Variants in FKBP4 observed in about 807,000 individuals in gnomAD.
FKBP4 encodes the protein peptidyl-prolyl cis-trans isomerase FKBP4.
FKBP4 carries 28 observed loss-of-function variants against 54.1 expected under a neutral mutation model. The ratio of observed to expected loss-of-function variants is 0.52; its 90% CI spans 0.38 to 0.71. The LOEUF is 0.71. Ranked by LOEUF, FKBP4 falls within the 30% of genes least tolerant of loss-of-function variation. The probability of loss-of-function intolerance (pLI) is 0.00; values close to 1 mark genes in which losing one functional copy is unlikely to be tolerated. For missense variants in FKBP4, 493 were observed against 574.4 expected, an observed-to-expected ratio of 0.86 and a Z score of 1.45; for synonymous variants, 223 against 216.1, an observed-to-expected ratio of 1.03 and a Z score of -0.28.
chr12:2,800,267 G>C (rs2097904023), intron 7 of FKBP4, 125 bp from the exon 8 acceptor site: 1 of 1,358,618 alleles, frequency 7.4e-7, no homozygotes, highest in African/African-American at 1.4e-5. Context: ...GAGCTTGCTG[G>C]CCTTGCCAGT....
At chr12:2,800,268 C>A in intron 7 of FKBP4, 124 bp from the exon 8 acceptor site, 1 of 1,365,222 alleles carries the variant, frequency 7.3e-7, no homozygotes, top group East Asian at 2.4e-5. Context: ...AGCTTGCTGG[C>A]CTTGCCAGTG....
chr12:2,801,241 A>C lies in FKBP4; in HGVS notation c.1157A>C (p.Asn386Thr). The part of the protein sequence containing the change: ...FQKVLQLYPN[N>T]KAAKTQLAVC... Reference sequence around the variant, plus strand: ...AAGGTCCTGCAGCTCTACCCCAACAACAAAGCCGCCAAGACCCAGCTGGCT... The same window carrying C: ...AAGGTCCTGCAGCTCTACCCCAACACCAAAGCCGCCAAGACCCAGCTGGCT... Residue 386 changes from asparagine to threonine, a missense_variant, in exon 9 of 10, where the codon AAC (asparagine) becomes ACC (threonine). Asn to Thr is a moderately conservative substitution (Grantham distance 65). Transcript: ENST00000001008. The C allele has an allele frequency of 6.2e-7, 1 of 1,613,494 alleles. No individual in the cohort carries two copies. Among genetic ancestry groups the C allele is most frequent in the Non-Finnish European group, 8.5e-7 (1 of 1,180,038 alleles).
In FKBP4 at chr12:2,795,877, C is replaced by A; in HGVS notation, c.105+633C>A. ...GTCCCCACTCGCCGCGCGGCGCCCC[C>A]TCCCTCGGCCCCGGGGAGGCCGGGC... On this transcript the variant is annotated intron_variant, in intron 1 of 9. Transcript: ENST00000001008. This position sits in a 1 kb window ranked among gnomAD's most constrained non-coding sequence, Gnocchi z 4.3. 1.1e-6 allele frequency: 1 copy of A among 895,900 alleles called. No homozygotes were observed. The highest frequency in any genetic ancestry group is 4.9e-5 in the South Asian group (1 of 20,408). The allele number at this position is 895,900 out of a possible 1,614,324, so 55.5% of individuals were successfully genotyped here.
Position 2,795,366 on chromosome 12 carries a change from C to A in FKBP4, c.105+122C>A. On this transcript the variant is annotated intron_variant, in intron 1 of 9. Transcript: ENST00000001008. The surrounding 1 kb of genome is among the most constrained non-coding windows in gnomAD (Gnocchi z 4.3). ...GCGGCCGCCTTTGCAGCCTCGCGGC[C>A]GTCCCGCCGGGGGCCGGTGGCATCG... is the stretch of plus-strand genomic sequence containing the variant. 3.5e-6 allele frequency: 1 copy of A among 284,046 alleles called. No individual in the cohort carries two copies. The highest frequency in any genetic ancestry group is 5.5e-6 in the Non-Finnish European group (1 of 182,014). The allele number at this position is 284,046 out of a possible 1,614,324, so 17.6% of individuals were successfully genotyped here.
chr12:2,800,618 CAG>C (rs1245163664), intron 8 of FKBP4, 41 bp downstream of exon 8: 2 of 1,541,760 alleles, frequency 1.3e-6, no homozygotes, highest in Non-Finnish European at 1.7e-6. Flanking sequence ...CATTCACAGG[CAG>C]AGTTGGGTGA....
chr12:2,797,386 C>A, intron 2 of FKBP4, 104 bp downstream of exon 2: 8 of 1,304,326 alleles, frequency 6.1e-6, no homozygotes, highest in African/African-American at 1.5e-5. Flanking sequence ...AATGGTTTAT[C>A]ACAGTCTGTT....
At chr12:2,801,095 G>A (rs1205580158) in intron 8 of FKBP4, 22 bp from the exon 9 acceptor site, 1 of 1,612,712 alleles carries the variant, frequency 6.2e-7, no homozygotes, top group Non-Finnish European at 8.5e-7. Context: ...CCACAATGTG[G>A]CTTCCTCTCT....
chr12:2,802,068 C>A (rs895074760), intron 9 of FKBP4, among the ~76,000 whole-genome samples: 7 of 152,224 alleles, frequency 4.6e-5, no homozygotes, highest in Non-Finnish European at 8.8e-5. Flanking sequence ...CTTAGGCTTA[C>A]ATTGTATTCC....
At position 2,795,460 on chromosome 12, in the gene FKBP4, A is replaced by T. The variant is rs1465579001; in HGVS notation, c.105+216A>T. Among the ~76,000 whole-genome samples the T allele has an allele frequency of 1.4e-5, 2 of 147,130 alleles. No individual in the cohort carries two copies. The highest frequency in any genetic ancestry group is 3.0e-5 in the Non-Finnish European group (2 of 66,028). On this transcript the variant is annotated intron_variant, in intron 1 of 9. Coordinates refer to ENST00000001008, the MANE Select transcript of FKBP4 (RefSeq NM_002014.4). The surrounding 1 kb of genome is among the most constrained non-coding windows in gnomAD (Gnocchi z 4.3). ...CATGCGCTCGGCAGGGGGGCGGCCT[A>T]GGTGCGCGGGCCGAGGCCCCAGGCT...
chr12:2,800,224 G>C (rs1210858203), intron 7 of FKBP4, 102 bp downstream of exon 7: 8 of 1,429,896 alleles, frequency 5.6e-6, no homozygotes, highest in Non-Finnish European at 7.8e-6. Flanking sequence ...GAAGTGGACA[G>C]GTTGGCACCT....
rs1392703041 is a variant in FKBP4, at chr12:2,795,934, C to G, written c.105+690C>G. The G allele has an allele frequency of 6.8e-6, 7 of 1,024,650 alleles. No homozygotes were observed. The African/African-American group carries it at 1.2e-4, about 18-fold the overall frequency. 63.5% of individuals were successfully genotyped at this position (1,024,650 alleles called of 1,614,324 possible). A position where few individuals can be genotyped will look rare whatever the true frequency, so the allele number is the denominator to read the frequency against. ...CATGCCGGGAGCTGTAGTCCCCTCCCCCCTCCGCCGCCTCCCGGAGCCAGG... is the reference window on the plus strand; with the variant it reads ...CATGCCGGGAGCTGTAGTCCCCTCCGCCCTCCGCCGCCTCCCGGAGCCAGG... On this transcript the variant is annotated intron_variant, in intron 1 of 9. Transcript: ENST00000001008. This position sits in a 1 kb window ranked among gnomAD's most constrained non-coding sequence, Gnocchi z 4.3.
In FKBP4 at chr12:2,801,352, A is replaced by G; in HGVS notation, c.1268A>G (p.Asn423Ser). ...NMFERLAEEE[N>S]KAKAEASSGD... ...TTTGAGAGGCTGGCTGAGGAGGAGA[A>G]CAAGGTGAGGATTGGGGTGGGGAAC... The change falls in exon 9 of 10, where the codon AAC becomes AGC. Residue 423 changes from asparagine (N) to serine (S), a missense_variant. Physicochemically the swap from Asn to Ser is conservative, Grantham distance 46 (BLOSUM62 1). Coordinates refer to ENST00000001008, the MANE Select transcript of FKBP4 (RefSeq NM_002014.4). 3.1e-6 allele frequency: 5 copies of G among 1,614,114 alleles called. No individual in the cohort carries two copies. The highest frequency in any genetic ancestry group is 4.2e-6 in the Non-Finnish European group (5 of 1,179,998).
chr12:2,802,385 C>T (rs2097905332), intron 9 of FKBP4, among the ~76,000 whole-genome samples: 2 of 152,200 alleles, frequency 1.3e-5, no homozygotes, highest in African/African-American at 2.4e-5. Context: ...CTGCCCACCC[C>T]TGCCTCCCAA....
At chr12:2,796,862 A>G in intron 1 of FKBP4, 1 of 1,236,862 alleles carries the variant, frequency 8.1e-7, no homozygotes, top group Non-Finnish European at 1.0e-6. Context: ...AGTGTGGAGA[A>G]TTTTAAAAAC....
intron 8 of FKBP4, 88 bp from the exon 9 acceptor site, chr12:2,801,029 C>A: frequency 6.4e-7 from 1 of 1,555,620 alleles, no homozygotes; most frequent in Non-Finnish European, 8.7e-7. Flanking sequence ...CCTCATCCTC[C>A]TGAGGGGTAC....
rs1439356615 is a variant in FKBP4, at chr12:2,795,467, C to G, written c.105+223C>G. The stretch of plus-strand genomic sequence containing the variant: ...TCGGCAGGGGGGCGGCCTAGGTGCG[C>G]GGGCCGAGGCCCCAGGCTCCCCAGC... On this transcript the variant is annotated intron_variant, in intron 1 of 9. Transcript: ENST00000001008. The surrounding 1 kb of genome is among the most constrained non-coding windows in gnomAD (Gnocchi z 4.3). 6.8e-6 allele frequency among the ~76,000 whole-genome samples: 1 copy of G among 147,250 alleles called. No individual in the cohort carries two copies. The highest frequency in any genetic ancestry group is 1.5e-5 in the Non-Finnish European group (1 of 66,084).
At chr12:2,801,656 A>C in intron 9 of FKBP4, 2 of 508,416 alleles carry the variant, frequency 3.9e-6, no homozygotes, top group Non-Finnish European at 7.6e-6. Context: ...TGCAGAGCCA[A>C]AGTGGGAGGA....
Position 2,798,852 on chromosome 12 carries a change from A to G in FKBP4, c.514+26A>G, listed in dbSNP as rs548673857. The G allele has an allele frequency of 6.2e-7, 1 of 1,610,094 alleles. No individual in the cohort carries two copies. Among genetic ancestry groups the G allele is most frequent in the Non-Finnish European group, 8.5e-7 (1 of 1,176,572 alleles). On this transcript the variant is annotated intron_variant, in intron 4 of 9. Transcript: ENST00000001008. This position sits in a 1 kb window ranked among gnomAD's most constrained non-coding sequence, Gnocchi z 4.3. ...GTGAGACAGTACAGTCTGGGCTTTC[A>G]ATTCTCATTCTGATATTTAGGCCTT... is the stretch of plus-strand genomic sequence containing the variant.
chr12:2,800,284 G>T, intron 7 of FKBP4, 108 bp from the exon 8 acceptor site: 1 of 1,395,488 alleles, frequency 7.2e-7, no homozygotes, highest in Non-Finnish European at 9.8e-7. Flanking sequence ...CAGTGGGAAG[G>T]GTGGGAGCAG....
Sources: gnomAD v4.1 joint callset for allele counts (sites outside exome capture counted in the v4.1 genomes callset) on GRCh38, gnomAD v4.1.1 for gene constraint, Gnocchi (gnomAD v3.1) non-coding constraint, MANE v1.5 for transcripts, NCBI Gene and HGNC (gene_info 2026-07-23, HGNC 2026-07-21) for gene names.